AREL1: variants seen among roughly 807,000 people sequenced by gnomAD.
AREL1 encodes apoptosis resistant E3 ubiquitin protein ligase 1, also known as apoptosis-resistant E3 ubiquitin protein ligase 1.
AREL1 carries 62 observed loss-of-function variants against 99.0 expected under a neutral mutation model. The observed-to-expected ratio is 0.63, with a 90% confidence interval of 0.51 to 0.77. The LOEUF (loss-of-function observed/expected upper bound fraction) is 0.77. AREL1 is among the 30% of genes least tolerant of loss of function. The pLI, the probability that AREL1 is intolerant of heterozygous loss-of-function variation, is 0.00. For missense variants in AREL1, 879 were observed against 1,027.6 expected, an observed-to-expected ratio of 0.86 and a Z score of 1.98; for synonymous variants, 380 against 376.5, an observed-to-expected ratio of 1.01 and a Z score of -0.11.
At chr14:74,695,166 A>G (rs893321568) in intron 1 of AREL1, among the ~76,000 whole-genome samples, 1 of 144,518 alleles carries the variant, frequency 6.9e-6, no homozygotes, top group Non-Finnish European at 1.5e-5. Flanking sequence ...TACAACCTCC[A>G]CCTCCTGGGT....
intron 5 of AREL1, among the ~76,000 whole-genome samples, chr14:74,677,089 A>G (rs562026639): frequency 7.0e-4 from 106 of 151,210 alleles, no homozygotes; most frequent in African/African-American, 1.3e-3. Flanking sequence ...GTGAGCCACC[A>G]CGCCCGGCTG....
rs1259053586 is a variant in AREL1, at chr14:74,684,141, C to T, written c.243+313G>A. 2.0e-5 allele frequency among the ~76,000 whole-genome samples: 3 copies of T among 152,090 alleles called. No individual in the cohort carries two copies. The East Asian group carries it at 5.8e-4, about 29-fold the overall frequency. On this transcript the variant is annotated intron_variant, in intron 4 of 19. Transcript: ENST00000356357. ...ATGATGAATGGGTGTGGCTGTGTTC[C>T]AAGACAAATGTATTTAAAGAAACAG...
chr14:74,674,556 T>G (rs1180672184), intron 8 of AREL1, among the ~76,000 whole-genome samples: 1 of 152,138 alleles, frequency 6.6e-6, no homozygotes, highest in African/African-American at 2.4e-5. Context: ...GAGCTGAGAT[T>G]GGACCATGGC....
chr14:74,712,300 G>A (rs2090327542), intron 1 of AREL1, among the ~76,000 whole-genome samples: 1 of 152,042 alleles, frequency 6.6e-6, no homozygotes, highest in Admixed American at 6.6e-5. Flanking sequence ...CACCCAGAGG[G>A]TCCACGGATG....
intron 17 of AREL1, 85 bp downstream of exon 17, chr14:74,667,234 T>C: frequency 6.6e-7 from 1 of 1,522,654 alleles, no homozygotes; most frequent in Non-Finnish European, 9.0e-7. Context: ...CAGCTGCATC[T>C]CATAAGAGAA....
intron 15 of AREL1, among the ~76,000 whole-genome samples, chr14:74,668,669 G>A (rs1566678970): frequency 6.6e-6 from 1 of 151,944 alleles, no homozygotes; most frequent in Non-Finnish European, 1.5e-5. Flanking sequence ...CAGACAGCTG[G>A]GAATCCCATA....
intron 1 of AREL1, among the ~76,000 whole-genome samples, chr14:74,700,687 G>A (rs372574151): frequency 2.4e-4 from 36 of 152,268 alleles, no homozygotes; most frequent in African/African-American, 8.7e-4. Context: ...AGCTGAGGCA[G>A]GAGAATTGCT....
intron 2 of AREL1, among the ~76,000 whole-genome samples, chr14:74,687,882 C>A (rs1384772001): frequency 6.6e-6 from 1 of 152,150 alleles, no homozygotes; most frequent in Non-Finnish European, 1.5e-5. Context: ...TTTCAAAAGG[C>A]ATGGCTTCTA....
chr14:74,689,529 G>T (rs1035449471), intron 2 of AREL1, among the ~76,000 whole-genome samples: 19 of 148,420 alleles, frequency 1.3e-4, no homozygotes, highest in Non-Finnish European at 2.5e-4. Flanking sequence ...ATTAAATTTA[G>T]AAATTCCTTC....
At chr14:74,664,434 T>C (rs1244900881) in intron 18 of AREL1, among the ~76,000 whole-genome samples, 1 of 149,894 alleles carries the variant, frequency 6.7e-6, no homozygotes. Flanking sequence ...CCTACTTTTT[T>C]CTTCTTTTCC....
chr14:74,707,242 C>A (rs2090195314), intron 1 of AREL1, among the ~76,000 whole-genome samples: 1 of 151,928 alleles, frequency 6.6e-6, no homozygotes, highest in African/African-American at 2.4e-5. Context: ...GTGGCAGGCG[C>A]CTGTAATCCC....
In AREL1 at chr14:74,663,741, G is replaced by T; in HGVS notation, c.2451C>A (p.Cys817Ter). Reference protein sequence around the residue: ...RMLQLAISEGCEGFGML With the variant: ...RMLQLAISEG ...GTGGTCAGAGCATGCCAAAGCCCTC[G>T]CAACCCTCGCTGATGGCCAGCTGCA... Residue 817 changes from cysteine (C) to a stop codon, truncating the protein, a stop_gained, in exon 20 of 20, where the codon TGC (cysteine) becomes TGA (stop). Coordinates refer to ENST00000356357, the MANE Select transcript of AREL1 (RefSeq NM_001039479.2). LOFTEE classifies it high-confidence loss of function. The T allele has an allele frequency of 1.2e-6, 2 of 1,614,058 alleles. No homozygotes were observed. The highest frequency in any genetic ancestry group is 1.7e-6 in the Non-Finnish European group (2 of 1,180,024).
At position 74,700,423 on chromosome 14, in the gene AREL1, T is replaced by C. The variant is rs2090062594; in HGVS notation, c.-333-8095A>G. 2.6e-5 allele frequency among the ~76,000 whole-genome samples: 4 copies of C among 152,164 alleles called. 1 individual carries two copies. The South Asian group carries it at 8.3e-4, about 31-fold the overall frequency. On this transcript the variant is annotated intron_variant, in intron 1 of 19. Coordinates refer to ENST00000356357, the MANE Select transcript of AREL1 (RefSeq NM_001039479.2). ...CAATACTGATGTATCAAAAAGAACT[T>C]CCAGAAGGGGGGAAAAAGATATTAT...
chr14:74,707,488 C>T (rs1170708945), intron 1 of AREL1, among the ~76,000 whole-genome samples: 2 of 151,396 alleles, frequency 1.3e-5, no homozygotes, highest in Non-Finnish European at 2.9e-5. Flanking sequence ...TGGTGAAATC[C>T]CATCTCTACT....
intron 11 of AREL1, among the ~76,000 whole-genome samples, chr14:74,672,240 C>T (rs1481772124): frequency 1.3e-5 from 2 of 152,218 alleles, no homozygotes; most frequent in Admixed American, 6.5e-5. Context: ...GATTTGAAGG[C>T]CAGTAAGTAA....
At chr14:74,672,573 C>CA (rs756757042) in intron 11 of AREL1, among the ~76,000 whole-genome samples, 13 of 151,936 alleles carry the variant, frequency 8.6e-5, no homozygotes, top group South Asian at 2.1e-4. Flanking sequence ...CCCATCTTTA[C>CA]AAAAAATACA....
Position 74,673,227 on chromosome 14 carries a change from G to C in AREL1, c.1159-9C>G, listed in dbSNP as rs2089396510. ...GGACCAAGGTATGAAAACTGGTAAA[G>C]AAAAACAAAGAAATTAATCTATAAA... On this transcript the variant is annotated splice_polypyrimidine_tract_variant and intron_variant, in intron 9 of 19. Coordinates refer to ENST00000356357, the MANE Select transcript of AREL1 (RefSeq NM_001039479.2). 1 of 1,613,006 alleles carries C rather than the reference G, an allele frequency of 6.2e-7. No individual in the cohort carries two copies. The highest frequency in any genetic ancestry group is 1.3e-5 in the African/African-American group (1 of 74,994).
rs544060194 is a variant in AREL1, at chr14:74,671,390, T to C, written c.1498+18A>G. On this transcript the variant is annotated intron_variant, in intron 12 of 19. Transcript: ENST00000356357. ...GGAGGAGAGTTCAAAAAGATGAATA[T>C]AAAATTTCAAAACTGACCTTCTTCA... 22 of 1,136,914 alleles carry C rather than the reference T, an allele frequency of 1.9e-5. No individual in the cohort carries two copies. Among genetic ancestry groups the C allele is most frequent in the African/African-American group, 1.4e-4 (7 of 50,372 alleles). 70.4% of individuals were successfully genotyped at this position (1,136,914 alleles called of 1,614,324 possible).
Position 74,667,538 on chromosome 14 carries a change from G to T in AREL1, c.1971C>A (p.Ile657=). The change falls in exon 16 of 20, where the codon ATC becomes ATA. Residue 657 remains isoleucine, a synonymous_variant. Coordinates refer to ENST00000356357, the MANE Select transcript of AREL1 (RefSeq NM_001039479.2). ...AQTPVTNANK[I]FYLNLLAQYR... ...ATTGGGCCAGCAAATTTAAATAGAAGATTTTATTCGCATTGGTGACTGGAG... is the reference window on the plus strand; with the variant it reads ...ATTGGGCCAGCAAATTTAAATAGAATATTTTATTCGCATTGGTGACTGGAG... The T allele has an allele frequency of 6.2e-7, 1 of 1,613,842 alleles. No homozygotes were observed. The highest frequency in any genetic ancestry group is 8.5e-7 in the Non-Finnish European group (1 of 1,179,862).
Sources: gnomAD v4.1 joint callset for allele counts (sites outside exome capture counted in the v4.1 genomes callset) on GRCh38, gnomAD v4.1.1 for gene constraint, MANE v1.5 for transcripts, NCBI Gene and HGNC (gene_info 2026-07-23, HGNC 2026-07-21) for gene names.